XRCC4: variants seen among roughly 807,000 people sequenced by gnomAD.
The protein encoded by XRCC4 is X-ray repair cross complementing 4, also known as DNA repair protein XRCC4.
In XRCC4, 28 loss-of-function variants were observed where a neutral mutation model predicts 39.1. The observed-to-expected ratio is 0.72, with a 90% CI of 0.53 to 0.98. XRCC4 has a LOEUF of 0.98. Ranked by LOEUF, XRCC4 falls within the 50% of genes least tolerant of loss-of-function variation. The probability of loss-of-function intolerance (pLI) is 0.00; values close to 1 mark genes in which losing one functional copy is unlikely to be tolerated. For synonymous variants in XRCC4, 123 were observed against 126.4 expected (o/e 0.97, Z 0.18); for missense variants, 350 against 376.4 (o/e 0.93, Z 0.58).
chr5:83,096,136 C>A (rs1745665032), intron 1 of XRCC4, among the ~76,000 whole-genome samples: 1 of 151,828 alleles, frequency 6.6e-6, no homozygotes, highest in African/African-American at 2.4e-5. Context: ...TATGAGTCTC[C>A]CAGCAGTTCT....
At chr5:83,143,741 G>A (rs997924439) in intron 3 of XRCC4, among the ~76,000 whole-genome samples, 4 of 151,884 alleles carry the variant, frequency 2.6e-5, no homozygotes, top group African/African-American at 4.8e-5. Context: ...AAATTTCAAT[G>A]TGTTGTTTTG....
intron 1 of XRCC4, among the ~76,000 whole-genome samples, chr5:83,103,015 T>TATATATAC: frequency 7.0e-6 from 1 of 143,488 alleles, no homozygotes; most frequent in Non-Finnish European, 1.5e-5. Flanking sequence ...AGCTGATATA[T>TATATATAC]ATATATATAT....
intron 6 of XRCC4, among the ~76,000 whole-genome samples, chr5:83,255,768 A>G (rs191835686): frequency 1.3e-5 from 2 of 152,322 alleles, no homozygotes; most frequent in African/African-American, 4.8e-5. Context: ...TCACTACCTC[A>G]TAGAAAATGT....
chr5:83,289,938 A>C (rs140622412), intron 7 of XRCC4, among the ~76,000 whole-genome samples: 1 of 151,890 alleles, frequency 6.6e-6, no homozygotes, highest in East Asian at 1.9e-4. Flanking sequence ...CCTGGACATA[A>C]ACTGTAGGAA....
chr5:83,098,754 A>G (rs776103051), intron 1 of XRCC4, among the ~76,000 whole-genome samples: 2 of 152,162 alleles, frequency 1.3e-5, no homozygotes, highest in African/African-American at 2.4e-5. Flanking sequence ...CTAGCAATAA[A>G]TTATTCAGTA....
intron 6 of XRCC4, among the ~76,000 whole-genome samples, chr5:83,218,946 T>TA (rs35105649): frequency 0.2 from 30,993 of 152,020 alleles, 7,120 homozygotes; most frequent in African/African-American, 0.57. Flanking sequence ...ACAAAGTACA[T>TA]AACTGAGTGA....
chr5:83,341,040 C>A (rs1166360093), intron 7 of XRCC4, among the ~76,000 whole-genome samples: 5 of 152,084 alleles, frequency 3.3e-5, no homozygotes, highest in Admixed American at 2.6e-4. Flanking sequence ...GAAGGTAATA[C>A]AGCCTATTCC....
Position 83,268,838 on chromosome 5 carries a change from A to G in XRCC4, c.893+10161A>G, listed in dbSNP as rs538626507. On this transcript the variant is annotated intron_variant, in intron 7 of 7. Transcript: ENST00000396027. ...ATTTCCCAACTTTAGAGAATAAGAT[A>G]TGAATTGAACAAATCAATTTAGCAA... 3.7e-4 allele frequency among the ~76,000 whole-genome samples: 57 copies of G among 152,334 alleles called. No homozygotes were observed. In the South Asian group the frequency reaches 0.012, roughly 32 times the overall value.
chr5:83,127,062 C>G (rs1120477), intron 3 of XRCC4, among the ~76,000 whole-genome samples: 74,069 of 151,472 alleles, frequency 0.49, 19,006 homozygotes, highest in African/African-American at 0.63. Context: ...CCTTGAGTCT[C>G]ACCCATATCT....
chr5:83,190,022 C>T (rs1750623936), intron 3 of XRCC4, among the ~76,000 whole-genome samples: 2 of 152,082 alleles, frequency 1.3e-5, no homozygotes, highest in Admixed American at 1.3e-4. Context: ...CAGGGTCATG[C>T]CAGTGCACTC....
chr5:83,085,580 A>T (rs1745145123), intron 1 of XRCC4, among the ~76,000 whole-genome samples: 1 of 152,292 alleles, frequency 6.6e-6, no homozygotes, highest in South Asian at 2.1e-4. Context: ...GCTATTTATA[A>T]ATTTGTAAAT....
chr5:83,077,655 A>C, intron 1 of XRCC4, 40 bp downstream of exon 1: 1 of 308,958 alleles, frequency 3.2e-6, no homozygotes, highest in South Asian at 6.1e-5. Context: ...AAATAACAAA[A>C]ATCTGAGGTT....
At chr5:83,244,603 T>G (rs1753031891) in intron 6 of XRCC4, among the ~76,000 whole-genome samples, 1 of 152,198 alleles carries the variant, frequency 6.6e-6, no homozygotes, top group Non-Finnish European at 1.5e-5. Flanking sequence ...TTTGTGTAGT[T>G]AATGCTTTCC....
At chr5:83,126,002 A>G (rs1268524379) in intron 3 of XRCC4, among the ~76,000 whole-genome samples, 1 of 151,688 alleles carries the variant, frequency 6.6e-6, no homozygotes, top group Non-Finnish European at 1.5e-5. Flanking sequence ...AAAAAAAAAA[A>G]AAAAAAATTG....
chr5:83,166,621 G>C (rs1230706962), intron 3 of XRCC4, among the ~76,000 whole-genome samples: 5 of 150,124 alleles, frequency 3.3e-5, no homozygotes, highest in Admixed American at 2.7e-4. Context: ...GTGCCACCAC[G>C]CCTAGCTAAT....
In XRCC4 at chr5:83,106,411, C is replaced by T. The variant is rs138659463; in HGVS notation, c.139+1353C>T. On this transcript the variant is annotated intron_variant, in intron 2 of 7. Coordinates refer to ENST00000396027, the MANE Select transcript of XRCC4 (RefSeq NM_003401.5). Reference sequence around the variant, plus strand: ...TTAGGTATTTCTAATTGGCAAATGGCGTATTCTGTATACTTAGTTGTTGTC... The same window carrying T: ...TTAGGTATTTCTAATTGGCAAATGGTGTATTCTGTATACTTAGTTGTTGTC... Among the ~76,000 whole-genome samples, 500 of 152,044 alleles carry T rather than the reference C, an allele frequency of 3.3e-3. 7 individuals carry two copies. Among genetic ancestry groups the T allele is most frequent in the Non-Finnish European group, 3.7e-3 (248 of 67,920 alleles).
chr5:83,214,561 G>A (rs564986090), intron 6 of XRCC4, among the ~76,000 whole-genome samples: 2 of 152,088 alleles, frequency 1.3e-5, no homozygotes, highest in East Asian at 1.9e-4. Flanking sequence ...GGCCAGGCAC[G>A]GTGGCTCACC....
At chr5:83,084,699 A>T (rs189680463) in intron 1 of XRCC4, among the ~76,000 whole-genome samples, 1 of 152,192 alleles carries the variant, frequency 6.6e-6, no homozygotes, top group African/African-American at 2.4e-5. Flanking sequence ...GTTTGTTAAC[A>T]GTATCTCTGA....
intron 1 of XRCC4, among the ~76,000 whole-genome samples, chr5:83,083,200 G>T (rs10942321): frequency 0.5 from 75,104 of 151,596 alleles, 19,490 homozygotes; most frequent in African/African-American, 0.65. Flanking sequence ...TTACATATTT[G>T]TTACATGTAT....
Sources: allele counts gnomAD v4.1 joint callset (sites outside exome capture counted in the v4.1 genomes callset), GRCh38; gene constraint gnomAD v4.1.1; transcripts MANE v1.5; gene names NCBI Gene and HGNC (gene_info 2026-07-23, HGNC 2026-07-21).